DRC9: variants seen among roughly 807,000 people sequenced by gnomAD.
DRC9 encodes the protein dynein regulatory complex subunit 9, also known as dynein regulatory complex protein 9.
At chr3:197,933,041 CATAT>C in the DRC9 span, among the ~76,000 whole-genome samples, 1 of 132,670 alleles carries the variant, frequency 7.5e-6, no homozygotes, top group Non-Finnish European at 1.6e-5. Context: ...ATATATTATA[CATAT>C]ATATAAAATA....
chr3:197,895,019 T>C, the DRC9 span, among the ~76,000 whole-genome samples: 1 of 151,988 alleles, frequency 6.6e-6, no homozygotes, highest in Non-Finnish European at 1.5e-5. Flanking sequence ...ATTACGCCAC[T>C]GCACTCCAGC....
At chr3:197,911,265 T>C in the DRC9 span, among the ~76,000 whole-genome samples, 1 of 152,222 alleles carries the variant, frequency 6.6e-6, no homozygotes. Context: ...TTGAAATTAC[T>C]GCCTGCAACA....
chr3:197,904,103 TATATA>T, the DRC9 span, among the ~76,000 whole-genome samples: 38 of 38,366 alleles, frequency 9.9e-4, 1 homozygote, highest in South Asian at 4.7e-3. Context: ...TATATATATA[TATATA>T]TATTTTTTTT....
chr3:197,915,766 A>G, the DRC9 span, among the ~76,000 whole-genome samples: 1 of 151,690 alleles, frequency 6.6e-6, no homozygotes, highest in East Asian at 2.0e-4. Context: ...AGTAGCTGGG[A>G]TTACAGGTGC....
the DRC9 span, chr3:197,912,887 C>T: frequency 1.4e-6 from 1 of 711,354 alleles, no homozygotes; most frequent in Non-Finnish European, 2.5e-6. Context: ...TTCCCTGCAA[C>T]TCCTGTTCAC....
the DRC9 span, chr3:197,912,832 C>T: frequency 8.9e-7 from 1 of 1,129,876 alleles, no homozygotes; most frequent in Non-Finnish European, 1.3e-6. Flanking sequence ...GCAGCTCGGT[C>T]GGTAGCTGAG....
the DRC9 span, among the ~76,000 whole-genome samples, chr3:197,943,421 C>T: frequency 6.6e-6 from 1 of 152,184 alleles, no homozygotes; most frequent in South Asian, 2.1e-4. Flanking sequence ...CTATTTCCCA[C>T]GTGATATTTA....
chr3:197,942,777 C>T, the DRC9 span, among the ~76,000 whole-genome samples: 346 of 150,824 alleles, frequency 2.3e-3, 2 homozygotes, highest in African/African-American at 7.9e-3. Context: ...ATTAGCTGGG[C>T]GTGGTGGCGT....
chr3:197,899,504 T>C, the DRC9 span, among the ~76,000 whole-genome samples: 1 of 152,170 alleles, frequency 6.6e-6, no homozygotes, highest in Admixed American at 6.5e-5. Flanking sequence ...GGAGGATTGC[T>C]TGAGCCCAGG....
the DRC9 span, among the ~76,000 whole-genome samples, chr3:197,902,160 G>T: frequency 6.6e-6 from 1 of 152,196 alleles, no homozygotes; most frequent in Non-Finnish European, 1.5e-5. Flanking sequence ...ACAGAATTAG[G>T]GGCTTGGAGT....
At chr3:197,913,773 A>G in the DRC9 span, 4 of 1,156,134 alleles carry the variant, frequency 3.5e-6, no homozygotes, top group Middle Eastern at 2.0e-4. Context: ...TGTTGCCGAT[A>G]GAGATGGAGG....
At chr3:197,951,761 C>T in the DRC9 span, 172 of 180,772 alleles carry the variant, frequency 9.5e-4, no homozygotes, top group Admixed American at 2.0e-3. Context: ...GGCAGTAGCG[C>T]GATCTTGGCT....
chr3:197,926,095 C>G, the DRC9 span: 3 of 1,532,762 alleles, frequency 2.0e-6, no homozygotes, highest in South Asian at 3.4e-5. Flanking sequence ...TGTTTTCTTC[C>G]TTTTTCCTCC....
chr3:197,953,054 C>A, the DRC9 span, among the ~76,000 whole-genome samples: 1 of 152,270 alleles, frequency 6.6e-6, no homozygotes, highest in East Asian at 1.9e-4. Flanking sequence ...CCGCCCCAGC[C>A]TCCCAAAGTG....
the DRC9 span, chr3:197,951,773 G>A: frequency 0.064 from 11,189 of 174,064 alleles, 476 homozygotes; most frequent in African/African-American, 0.11. Context: ...ATCTTGGCTC[G>A]CTGCAGCCTC....
chr3:197,951,268 T>C, the DRC9 span: 1 of 1,614,154 alleles, frequency 6.2e-7, no homozygotes, highest in Non-Finnish European at 8.5e-7. Context: ...TGAAACAGAA[T>C]TCTATTTGGG....
At chr3:197,925,505 G>A in the DRC9 span, among the ~76,000 whole-genome samples, 1 of 151,838 alleles carries the variant, frequency 6.6e-6, no homozygotes, top group Admixed American at 6.6e-5. Flanking sequence ...GCTCCAGGGG[G>A]TTGGGGTCTC....
chr3:197,954,970 G>A, the DRC9 span, among the ~76,000 whole-genome samples: 1 of 152,276 alleles, frequency 6.6e-6, no homozygotes, highest in African/African-American at 2.4e-5. Context: ...TGTACATGAA[G>A]AAAACAGACT....
At chr3:197,891,513 C>A in the DRC9 span, 1 of 1,602,088 alleles carries the variant, frequency 6.2e-7, no homozygotes, top group Admixed American at 1.7e-5. Flanking sequence ...CTTTTCTATA[C>A]GATCTTCAAT....
Sources: gnomAD v4.1 joint callset for allele counts (sites outside exome capture counted in the v4.1 genomes callset) on GRCh38, gnomAD v4.1.1 for gene constraint, MANE v1.5 for transcripts, NCBI Gene and HGNC (gene_info 2026-07-23, HGNC 2026-07-21) for gene names.